FOXP2: variants seen among roughly 807,000 people sequenced by gnomAD.
FOXP2 encodes forkhead box P2.
FOXP2 carries 12 observed loss-of-function variants against 115.8 expected under a neutral mutation model. That is an observed-to-expected ratio of 0.10 (90% CI 0.07 to 0.17). FOXP2 has a LOEUF of 0.17. Among genes scored for constraint, FOXP2 ranks in the 10% least tolerant of loss-of-function variants. FOXP2 has a pLI of 1.00. For synonymous variants in FOXP2, 328 were observed against 297.7 expected, an observed-to-expected ratio of 1.10 and a Z score of -1.05; for missense variants, 629 against 843.5, an observed-to-expected ratio of 0.75 and a Z score of 3.15.
chr7:114,620,543 A>G (rs1314093017), intron 3 of FOXP2, among the ~76,000 whole-genome samples: 1 of 152,096 alleles, frequency 6.6e-6, no homozygotes, highest in Non-Finnish European at 1.5e-5. Context: ...ACTAGTTGGT[A>G]AAAAGTAATC....
chr7:114,559,719 A>G lies in FOXP2; in HGVS notation c.258+25013A>G, dbSNP rs558151278. Among the ~76,000 whole-genome samples, 6 of 151,826 alleles carry G rather than the reference A, an allele frequency of 4.0e-5. No individual in the cohort carries two copies. In the South Asian group the frequency reaches 1.3e-3, roughly 32 times the overall value. On this transcript the variant is annotated intron_variant, in intron 3 of 16. Transcript: ENST00000350908. ...AACACGGTGAAACCCCGTCTCTACT[A>G]AAAAAAACACCACAAAAAAATTAGC...
At position 114,642,615 on chromosome 7, in the gene FOXP2, A is replaced by G; in HGVS notation, c.981A>G (p.Arg327=). 6.2e-7 allele frequency: 1 copy of G among 1,612,758 alleles called. No individual in the cohort carries two copies. The highest frequency in any genetic ancestry group is 8.5e-7 in the Non-Finnish European group (1 of 1,179,072). Residue 327 remains arginine, a synonymous_variant, in exon 7 of 17, where the codon AGA becomes AGG. Transcript: ENST00000350908. ...VNGQSSVLSA[R]RDSSSHEETG... is the part of the protein sequence containing the mutation. ...GACAGTCTTCAGTTCTAAGTGCAAG[A>G]CGAGACAGGTAAATCTCATGAGCTT...
chr7:114,594,845 A>G (rs941836525), intron 3 of FOXP2, among the ~76,000 whole-genome samples: 49 of 152,142 alleles, frequency 3.2e-4, no homozygotes, highest in African/African-American at 1.1e-3. Context: ...TAAATCTTCA[A>G]TGTAGGTACC....
At chr7:114,218,459 T>C (rs888233854) in intron 1 of FOXP2, among the ~76,000 whole-genome samples, 1 of 152,148 alleles carries the variant, frequency 6.6e-6, no homozygotes, top group Non-Finnish European at 1.5e-5. Context: ...GTCTGGCTTA[T>C]GGCAGTAGCA....
intron 2 of FOXP2, among the ~76,000 whole-genome samples, chr7:114,351,799 C>T (rs370312311): frequency 9.2e-5 from 14 of 151,672 alleles, no homozygotes; most frequent in South Asian, 4.2e-4. Context: ...ATGTCATAAT[C>T]GGATATGTCA....
intron 2 of FOXP2, among the ~76,000 whole-genome samples, chr7:114,516,880 G>A (rs759621018): frequency 1.3e-5 from 2 of 152,028 alleles, no homozygotes; most frequent in Admixed American, 6.6e-5. Context: ...ATTTTTAGTA[G>A]AGATGGGGTT....
chr7:114,657,248 C>A (rs1265802894), intron 10 of FOXP2, among the ~76,000 whole-genome samples: 2 of 152,122 alleles, frequency 1.3e-5, no homozygotes, highest in African/African-American at 4.8e-5. Context: ...GAAGGGCACA[C>A]TGTTAAACAG....
chr7:114,555,732 G>A (rs1192941599), intron 3 of FOXP2, among the ~76,000 whole-genome samples: 1 of 152,152 alleles, frequency 6.6e-6, no homozygotes, highest in Non-Finnish European at 1.5e-5. Flanking sequence ...AGGAGGTGGA[G>A]GTTACAGTGA....
chr7:114,586,505 C>T (rs747477627), intron 3 of FOXP2, among the ~76,000 whole-genome samples: 1 of 151,954 alleles, frequency 6.6e-6, no homozygotes, highest in Non-Finnish European at 1.5e-5. Flanking sequence ...TTAATTTATG[C>T]ATTGAATATG....
rs571409501 is a variant in FOXP2, at chr7:114,120,670, ATGTG to A, written c.-247+32850_-247+32853del. ...ACTCTTCTAAGCACTTCATATATGT[ATGTG>A]TGTGTGTGTGTGTGTGTATATGTAT... On this transcript the variant is annotated intron_variant, in intron 1 of 19. Transcript: ENST00000635638. Among the ~76,000 whole-genome samples the A allele has an allele frequency of 4.6e-3, 676 of 147,288 alleles. 4 individuals are homozygous for A. The highest frequency in any genetic ancestry group is 0.014 in the African/African-American group (573 of 40,274).
At position 114,215,861 on chromosome 7, in the gene FOXP2, A is replaced by G. The variant is rs573185246; in HGVS notation, c.-102+52773A>G. Among the ~76,000 whole-genome samples the G allele has an allele frequency of 2.6e-5, 4 of 152,304 alleles. No individual in the cohort carries two copies. In the South Asian group the frequency reaches 8.3e-4, roughly 32 times the overall value. ...AAATTTGGAAATTTCTGAGAGACAG[A>G]CACAGGTGCCAGGCAGATAGAGTTC... On this transcript the variant is annotated intron_variant, in intron 1 of 17. Transcript: ENST00000634411.
intron 3 of FOXP2, among the ~76,000 whole-genome samples, chr7:114,622,932 A>C (rs925245595): frequency 3.3e-5 from 5 of 151,982 alleles, no homozygotes; most frequent in African/African-American, 1.2e-4. Context: ...CTCACTAGCC[A>C]TATAAACATT....
At position 114,661,839 on chromosome 7, in the gene FOXP2, T is replaced by A. The variant is rs1046119339; in HGVS notation, c.1648-226T>A. ...AATGAAAGGAAGGTTTTGACACAGC[T>A]ATTATTAAAATAGCTTGGAAGGTTC... On this transcript the variant is annotated intron_variant, in intron 13 of 16. Transcript: ENST00000350908. The A allele has an allele frequency of 8.1e-6, 4 of 494,106 alleles. No homozygotes were observed. In the Admixed American group the frequency reaches 1.3e-4, roughly 16 times the overall value. 30.6% of individuals were successfully genotyped at this position (494,106 alleles called of 1,614,324 possible).
intron 2 of FOXP2, among the ~76,000 whole-genome samples, chr7:114,470,138 GC>G (rs1795983645): frequency 1.3e-5 from 2 of 152,098 alleles, no homozygotes; most frequent in Non-Finnish European, 2.9e-5. Flanking sequence ...ACCTACAAAA[GC>G]AAAATTGTCT....
chr7:114,136,192 T>C (rs557890457), intron 1 of FOXP2, among the ~76,000 whole-genome samples: 1 of 152,232 alleles, frequency 6.6e-6, no homozygotes, highest in East Asian at 1.9e-4. Context: ...GCATTCTTGA[T>C]ACTTCCTTCT....
At chr7:114,185,268 G>T (rs958649022) in intron 1 of FOXP2, among the ~76,000 whole-genome samples, 2 of 151,846 alleles carry the variant, frequency 1.3e-5, no homozygotes, top group Non-Finnish European at 2.9e-5. Flanking sequence ...TTATACTTTG[G>T]GTTTCAATTA....
At chr7:114,307,606 A>T (rs1047090103) in intron 2 of FOXP2, among the ~76,000 whole-genome samples, 1 of 152,174 alleles carries the variant, frequency 6.6e-6, no homozygotes, top group African/African-American at 2.4e-5. Flanking sequence ...GATCATCTTT[A>T]TACTTTAGTT....
At chr7:114,503,321 A>C (rs910138243) in intron 2 of FOXP2, among the ~76,000 whole-genome samples, 1 of 151,668 alleles carries the variant, frequency 6.6e-6, no homozygotes, top group Admixed American at 6.6e-5. Flanking sequence ...AAAGATTTTA[A>C]AATTTTTTTA....
chr7:114,133,431 T>C (rs898711537), intron 1 of FOXP2, among the ~76,000 whole-genome samples: 2 of 152,192 alleles, frequency 1.3e-5, no homozygotes, highest in East Asian at 1.9e-4. Flanking sequence ...AGTTAGCATA[T>C]AGGCGTTACT....
Sources: allele counts gnomAD v4.1 joint callset (sites outside exome capture counted in the v4.1 genomes callset), GRCh38; gene constraint gnomAD v4.1.1; transcripts MANE v1.5; gene names NCBI Gene and HGNC (gene_info 2026-07-23, HGNC 2026-07-21).